Variants in EPHA3 observed in about 807,000 individuals in gnomAD.
The protein encoded by EPHA3 is ephrin type-A receptor 3.
In EPHA3, 42 loss-of-function variants were observed where a neutral mutation model predicts 107.1. The observed-to-expected ratio is 0.39, with a 90% CI of 0.31 to 0.51. The LOEUF is 0.51. EPHA3 is among the 20% of genes least tolerant of loss of function. The pLI, the probability that EPHA3 is intolerant of heterozygous loss-of-function variation, is 0.78. For synonymous variants in EPHA3, 461 were observed against 424.8 expected, an observed-to-expected ratio of 1.09 and a Z score of -1.05; for missense variants, 1,183 against 1,211.2, an observed-to-expected ratio of 0.98 and a Z score of 0.35.
chr3:89,219,751 C>T (rs13070668), intron 3 of EPHA3, among the ~76,000 whole-genome samples: 16,749 of 97,568 alleles, frequency 0.17, 1,513 homozygotes, highest in Middle Eastern at 0.29. Context: ...CTCTGTCGCC[C>T]AGGCTGGAGT....
chr3:89,383,479 G>A (rs1168666244), intron 5 of EPHA3, among the ~76,000 whole-genome samples: 2 of 151,954 alleles, frequency 1.3e-5, no homozygotes, highest in Admixed American at 6.6e-5. Context: ...GCTCCACAGA[G>A]AATCCTGCAA....
chr3:89,161,206 A>G (rs1349538253), intron 2 of EPHA3, among the ~76,000 whole-genome samples: 1 of 144,024 alleles, frequency 6.9e-6, no homozygotes, highest in African/African-American at 2.6e-5. Flanking sequence ...GCCATATTAG[A>G]AACTAGAATA....
rs1398606700 is a variant in EPHA3, at chr3:89,225,991, G to A, written c.814+15471G>A. ...GTACATAAAGCAAATAAAAATATTC[G>A]TAGTTGTGGCCTTGAGACATCAATA... On this transcript the variant is annotated intron_variant, in intron 3 of 16. Coordinates refer to ENST00000336596, the MANE Select transcript of EPHA3 (RefSeq NM_005233.6). 9.9e-5 allele frequency among the ~76,000 whole-genome samples: 15 copies of A among 152,052 alleles called. 1 individual carries two copies. Among genetic ancestry groups the A allele is most frequent in the Non-Finnish European group, 1.5e-4 (10 of 68,006 alleles).
At chr3:89,122,424 G>A (rs1454762332) in intron 1 of EPHA3, among the ~76,000 whole-genome samples, 1 of 152,122 alleles carries the variant, frequency 6.6e-6, no homozygotes, top group Non-Finnish European at 1.5e-5. Context: ...AAAGCCTACT[G>A]TTAACCTTGA....
chr3:89,279,064 G>A (rs1203090526), intron 3 of EPHA3, among the ~76,000 whole-genome samples: 1 of 152,138 alleles, frequency 6.6e-6, no homozygotes, highest in Non-Finnish European at 1.5e-5. Flanking sequence ...TGGAAGTGTG[G>A]ATCATTTAAA....
intron 5 of EPHA3, among the ~76,000 whole-genome samples, chr3:89,347,540 T>A (rs1396084315): frequency 1.3e-5 from 2 of 148,672 alleles, no homozygotes; most frequent in East Asian, 1.9e-4. Flanking sequence ...TTTCTAGATA[T>A]ACAATCATGT....
rs375883585 is a variant in EPHA3 at position 89,383,140 on chromosome 3, T to C, written c.1307-12697T>C. 6.6e-5 allele frequency among the ~76,000 whole-genome samples: 10 copies of C among 152,362 alleles called. 1 individual carries two copies. Among genetic ancestry groups the C allele is most frequent in the African/African-American group, 2.4e-4 (10 of 41,592 alleles). ...AATCAAGATATAGATTATTTCTAAT[T>C]ACTGTAGAGTGTTCTCTGCTGTTCA... On this transcript the variant is annotated intron_variant, in intron 5 of 16. Coordinates refer to ENST00000336596, the MANE Select transcript of EPHA3 (RefSeq NM_005233.6).
At position 89,323,373 on chromosome 3, in the gene EPHA3, A is replaced by G. The variant is rs569192801; in HGVS notation, c.815-17543A>G. On this transcript the variant is annotated intron_variant, in intron 3 of 16. Transcript: ENST00000336596. ...GAGGCTTTGTAACTTGTTCAGTTACATATATAGTAACTGGCAGAGCCAAGA... is the reference window on the plus strand; with the variant it reads ...GAGGCTTTGTAACTTGTTCAGTTACGTATATAGTAACTGGCAGAGCCAAGA... Among the ~76,000 whole-genome samples, 17 of 152,246 alleles carry G rather than the reference A, an allele frequency of 1.1e-4. No homozygotes were observed. The East Asian group carries it at 3.3e-3, about 29-fold the overall frequency.
intron 15 of EPHA3, among the ~76,000 whole-genome samples, chr3:89,466,637 T>TC (rs1171004879): frequency 7.8e-6 from 1 of 128,606 alleles, no homozygotes; most frequent in Non-Finnish European, 1.7e-5. Flanking sequence ...GAAAGGGAAC[T>TC]CCCTGACCCC....
At chr3:89,399,555 T>G (rs761921687) in intron 7 of EPHA3, 75 bp downstream of exon 7, 1 of 1,570,710 alleles carries the variant, frequency 6.4e-7, no homozygotes, top group South Asian at 1.2e-5. Context: ...TTATTCTCAC[T>G]GTTTCTAAGT....
In EPHA3 at chr3:89,360,126, G is replaced by A. The variant is rs1440560187; in HGVS notation, c.1306+18036G>A. Among the ~76,000 whole-genome samples, 3 of 150,318 alleles carry A rather than the reference G, an allele frequency of 2.0e-5. No homozygotes were observed. The Admixed American group carries it at 2.0e-4, about 10-fold the overall frequency. ...GTGCACCAATAATTTCCAAATTTCA[G>A]TAAACAACTTACTGCTTTTAGGAAT... On this transcript the variant is annotated intron_variant, in intron 5 of 16. Coordinates refer to ENST00000336596, the MANE Select transcript of EPHA3 (RefSeq NM_005233.6).
intron 2 of EPHA3, among the ~76,000 whole-genome samples, chr3:89,205,464 G>T (rs1272674133): frequency 2.6e-5 from 4 of 152,198 alleles, no homozygotes; most frequent in Middle Eastern, 3.4e-3. Context: ...GTTTGGTGTG[G>T]TTATTTTCAG....
intron 3 of EPHA3, among the ~76,000 whole-genome samples, chr3:89,226,559 CTAATT>C (rs749460374): frequency 4.6e-5 from 7 of 152,236 alleles, no homozygotes; most frequent in East Asian, 3.9e-4. Context: ...TTTCTGCACT[CTAATT>C]TAAGAGCTCT....
intron 7 of EPHA3, among the ~76,000 whole-genome samples, chr3:89,402,571 G>GT (rs1205813419): frequency 1.3e-5 from 2 of 151,762 alleles, no homozygotes; most frequent in Non-Finnish European, 2.9e-5. Context: ...CCTAAATGCT[G>GT]TAAGTATTTA....
rs1436421290 is a variant in EPHA3 at position 89,149,068 on chromosome 3, A to G, written c.153+21795A>G. Among the ~76,000 whole-genome samples, 4 of 152,048 alleles carry G rather than the reference A, an allele frequency of 2.6e-5. No individual in the cohort carries two copies. In the South Asian group the frequency reaches 8.3e-4, roughly 31 times the overall value. On this transcript the variant is annotated intron_variant, in intron 2 of 16. Coordinates refer to ENST00000336596, the MANE Select transcript of EPHA3 (RefSeq NM_005233.6). Reference sequence around the variant, plus strand: ...ATTATAGTTCTTCAAAAGAGACAGAAAAATGGGAGCATGGTTTTTCCATTG... The same window carrying G: ...ATTATAGTTCTTCAAAAGAGACAGAGAAATGGGAGCATGGTTTTTCCATTG...
Position 89,254,942 on chromosome 3 carries a change from A to G in EPHA3, c.814+44422A>G, listed in dbSNP as rs1705246602. Among the ~76,000 whole-genome samples, 6 of 152,208 alleles carry G rather than the reference A, an allele frequency of 3.9e-5. No homozygotes were observed. The South Asian group carries it at 1.2e-3, about 31-fold the overall frequency. On this transcript the variant is annotated intron_variant, in intron 3 of 16. Coordinates refer to ENST00000336596, the MANE Select transcript of EPHA3 (RefSeq NM_005233.6). ...AACTAAATTGCTCTGTTGCCTGAATAATATAGCAAAGAGAAGGAGACTTCT... is the reference window on the plus strand; with the variant it reads ...AACTAAATTGCTCTGTTGCCTGAATGATATAGCAAAGAGAAGGAGACTTCT...
intron 2 of EPHA3, among the ~76,000 whole-genome samples, chr3:89,201,412 A>G (rs1044654682): frequency 3.3e-5 from 5 of 152,214 alleles, no homozygotes; most frequent in Non-Finnish European, 7.3e-5. Context: ...AATACAAATT[A>G]TTTTAAAATA....
At chr3:89,468,357 T>C (rs1217846913) in intron 15 of EPHA3, among the ~76,000 whole-genome samples, 1 of 152,144 alleles carries the variant, frequency 6.6e-6, no homozygotes, top group African/African-American at 2.4e-5. Context: ...TTTCAATTTG[T>C]TTATACTAAT....
At chr3:89,450,400 C>T (rs369999804) in intron 15 of EPHA3, 30 bp downstream of exon 15, 1 of 1,586,218 alleles carries the variant, frequency 6.3e-7, no homozygotes, top group Non-Finnish European at 8.6e-7. Context: ...ATCTGGCATT[C>T]ACTCTGAAAT....
Sources: allele counts gnomAD v4.1 joint callset (sites outside exome capture counted in the v4.1 genomes callset), GRCh38; gene constraint gnomAD v4.1.1; transcripts MANE v1.5; gene names NCBI Gene and HGNC (gene_info 2026-07-23, HGNC 2026-07-21).